Variants in TRPM8 observed in about 807,000 individuals in gnomAD.
The protein encoded by TRPM8 is TRPM8 cationic channel.
In TRPM8, 110 loss-of-function variants were observed where a neutral mutation model predicts 133.7. The observed-to-expected ratio is 0.82, with a 90% confidence interval of 0.70 to 0.96. The LOEUF (loss-of-function observed/expected upper bound fraction) is 0.96. TRPM8 is among the 40% of genes least tolerant of loss of function. TRPM8 has a pLI of 0.00. For synonymous variants in TRPM8, 535 were observed against 532.3 expected (o/e 1.01, Z -0.07); for missense variants, 1,291 against 1,379.5 (o/e 0.94, Z 1.02).
intron 14 of TRPM8, 35 bp downstream of exon 14, chr2:233,964,792 G>A (rs28902176): frequency 2.7e-5 from 42 of 1,567,414 alleles, no homozygotes; most frequent in Non-Finnish European, 3.6e-5. Context: ...TGGTGGGCGC[G>A]GATCTGCCAT....
chr2:233,990,824 C>G (rs928677351), intron 21 of TRPM8, among the ~76,000 whole-genome samples: 1 of 152,118 alleles, frequency 6.6e-6, no homozygotes, highest in African/African-American at 2.4e-5. Flanking sequence ...TCAGGTGCAG[C>G]CTTATTGCCA....
intron 8 of TRPM8, among the ~76,000 whole-genome samples, chr2:233,948,450 C>G (rs1314929117): frequency 6.6e-6 from 1 of 152,084 alleles, no homozygotes; most frequent in Non-Finnish European, 1.5e-5. Context: ...GCCAAAAATT[C>G]AAAAAATTGC....
intron 22 of TRPM8, among the ~76,000 whole-genome samples, chr2:234,004,298 T>G (rs1692638902): frequency 6.6e-6 from 1 of 152,184 alleles, no homozygotes; most frequent in Admixed American, 6.5e-5. Flanking sequence ...TCGGGTGGTG[T>G]GGCAGTAATG....
intron 21 of TRPM8, among the ~76,000 whole-genome samples, chr2:233,995,802 C>G (rs551339989): frequency 6.6e-6 from 1 of 152,184 alleles, no homozygotes; most frequent in Non-Finnish European, 1.5e-5. Context: ...TATTCATTTA[C>G]ATATATATTT....
intron 11 of TRPM8, 175 bp downstream of exon 11, chr2:233,955,425 C>T: frequency 1.8e-6 from 1 of 548,120 alleles, no homozygotes; most frequent in African/African-American, 1.9e-5. Context: ...GGAATCATAA[C>T]ATTGACTTAG....
chr2:234,008,755 T>C (rs28902235), intron 24 of TRPM8, among the ~76,000 whole-genome samples: 1 of 152,298 alleles, frequency 6.6e-6, no homozygotes, highest in East Asian at 1.9e-4. Flanking sequence ...GGACCCCATC[T>C]GGTTTGGCAA....
chr2:233,972,742 G>C (rs577793465), intron 17 of TRPM8, among the ~76,000 whole-genome samples: 2 of 152,320 alleles, frequency 1.3e-5, no homozygotes, highest in South Asian at 4.1e-4. Flanking sequence ...CGGGCGGGCA[G>C]GGCCGGCCGG....
intron 17 of TRPM8, among the ~76,000 whole-genome samples, chr2:233,973,713 C>T (rs1312025475): frequency 6.6e-6 from 1 of 152,250 alleles, no homozygotes; most frequent in Non-Finnish European, 1.5e-5. Context: ...TGCCATCCTA[C>T]TTCCTAGCTC....
At chr2:233,956,410 C>G (rs1418747032) in intron 11 of TRPM8, among the ~76,000 whole-genome samples, 1 of 152,192 alleles carries the variant, frequency 6.6e-6, no homozygotes, top group African/African-American at 2.4e-5. Flanking sequence ...GCAGTATCCT[C>G]CCGTGTACAA....
At chr2:233,945,709 C>A in intron 6 of TRPM8, 147 bp from the exon 7 acceptor site, 1 of 635,748 alleles carries the variant, frequency 1.6e-6, no homozygotes, top group Non-Finnish European at 2.7e-6. Context: ...TATAAGATCG[C>A]TAAGACCCCT....
At chr2:234,008,175 C>G in intron 24 of TRPM8, 72 bp downstream of exon 24, 2 of 1,427,394 alleles carry the variant, frequency 1.4e-6, no homozygotes, top group Non-Finnish European at 9.6e-7. Context: ...CAGCTAGAGG[C>G]CAGTAGTTGT....
At chr2:233,935,305 C>T (rs975838138) in intron 3 of TRPM8, among the ~76,000 whole-genome samples, 2 of 152,168 alleles carry the variant, frequency 1.3e-5, no homozygotes, top group Non-Finnish European at 2.9e-5. Flanking sequence ...TCCAGAGTCA[C>T]CATGTATGGT....
chr2:233,996,906 CTT>C (rs1251201764), intron 22 of TRPM8, among the ~76,000 whole-genome samples: 6 of 152,320 alleles, frequency 3.9e-5, no homozygotes, highest in Admixed American at 1.3e-4. Context: ...GTTTGTGACT[CTT>C]CTTAGGAGAA....
In TRPM8 at chr2:234,019,122, G is replaced by T. The variant is rs1369868824; in HGVS notation, c.*1866G>T. 1 of 152,116 alleles carries T rather than the reference G, an allele frequency of 6.6e-6. No individual in the cohort carries two copies. The highest frequency in any genetic ancestry group is 6.5e-5 in the Admixed American group (1 of 15,280). 9.4% of individuals were successfully genotyped at this position (152,116 alleles called of 1,614,324 possible). A position where few individuals can be genotyped will look rare whatever the true frequency, so the allele number is the denominator to read the frequency against. On this transcript the variant is annotated 3_prime_UTR_variant, in exon 26 of 26. Coordinates refer to ENST00000324695, the MANE Select transcript of TRPM8 (RefSeq NM_024080.5). ...AACTACAAAAGCATTAACTAAAAAA[G>T]TTTATTTTCCTTTTGTCTGGGCAGT...
At chr2:233,960,683 A>G (rs1574727175) in intron 11 of TRPM8, 93 bp from the exon 12 acceptor site, 4 of 940,386 alleles carry the variant, frequency 4.3e-6, no homozygotes. Flanking sequence ...CTGTGGCTGG[A>G]AATACAGTGC....
At position 233,964,649 on chromosome 2, in the gene TRPM8, G is replaced by T; in HGVS notation, c.1771G>T (p.Ala591Ser). The change falls in exon 14 of 26, where the codon GCC becomes TCC. Residue 591 changes from alanine to serine, a missense_variant. Ala to Ser is a moderately conservative substitution (Grantham distance 99). Around this residue, in one of 2 missense-constraint regions of TRPM8, gnomAD observed 963 missense variants for 968.9 expected, o/e 0.99. Coordinates refer to ENST00000324695, the MANE Select transcript of TRPM8 (RefSeq NM_024080.5). ...AAAGACCAGGGGCTGCACTCTGGCA[G>T]CCCTGGGAGCCAGCAAGCTTCTGAA... ...WEQTRGCTLA[A>S]LGASKLLKTL... The T allele has an allele frequency of 1.2e-6, 2 of 1,606,602 alleles. No homozygotes were observed. The highest frequency in any genetic ancestry group is 1.7e-6 in the Non-Finnish European group (2 of 1,175,382).
At chr2:233,953,790 A>G in intron 9 of TRPM8, 127 bp from the exon 10 acceptor site, 1 of 635,002 alleles carries the variant, frequency 1.6e-6, no homozygotes, top group Non-Finnish European at 2.8e-6. Flanking sequence ...CAATTCAGAA[A>G]TGAGAAGCTG....
chr2:233,957,805 C>T (rs1054345486), intron 11 of TRPM8, among the ~76,000 whole-genome samples: 4 of 152,100 alleles, frequency 2.6e-5, no homozygotes, highest in African/African-American at 9.7e-5. Flanking sequence ...GTATTTACAC[C>T]ATAGGAATCA....
chr2:233,926,665 C>G lies in TRPM8; in HGVS notation c.117+11C>G. 6.3e-7 allele frequency: 1 copy of G among 1,590,562 alleles called. No homozygotes were observed. Among genetic ancestry groups the G allele is most frequent in the Non-Finnish European group, 8.6e-7 (1 of 1,158,736 alleles). On this transcript the variant is annotated intron_variant, in intron 2 of 25. Transcript: ENST00000324695. ...TCTTACAGTGAAAGCGTAAGTCATG[C>G]GCATCACCTGTTTGAAAGGTTATCA...
Sources: allele counts gnomAD v4.1 joint callset (sites outside exome capture counted in the v4.1 genomes callset), GRCh38; gene constraint gnomAD v4.1.1; regional missense constraint gnomAD v4.1.1; transcripts MANE v1.5; gene names NCBI Gene and HGNC (gene_info 2026-07-23, HGNC 2026-07-21).